CACNA2D3: variants seen among roughly 807,000 people sequenced by gnomAD.
The protein encoded by CACNA2D3 is calcium voltage-gated channel auxiliary subunit alpha2delta 3, also known as voltage-dependent calcium channel subunit alpha-2/delta-3.
CACNA2D3 carries 60 observed loss-of-function variants against 160.6 expected under a neutral mutation model. The ratio of observed to expected loss-of-function variants is 0.37; its 90% CI spans 0.30 to 0.46. The LOEUF is 0.46. Among genes scored for constraint, CACNA2D3 ranks in the 20% least tolerant of loss-of-function variants. The pLI is 1.00. For synonymous variants in CACNA2D3, 558 were observed against 492.9 expected, an observed-to-expected ratio of 1.13 and a Z score of -1.75; for missense variants, 1,205 against 1,365.0, an observed-to-expected ratio of 0.88 and a Z score of 1.85.
At chr3:54,513,972 C>T (rs553304608) in intron 5 of CACNA2D3, among the ~76,000 whole-genome samples, 4 of 152,234 alleles carry the variant, frequency 2.6e-5, no homozygotes, top group South Asian at 2.1e-4. Flanking sequence ...CGCACCCAGC[C>T]GTCATGCCTG....
At chr3:54,871,512 T>A in intron 17 of CACNA2D3, 27 bp from the exon 18 acceptor site, 1 of 1,580,542 alleles carries the variant, frequency 6.3e-7, no homozygotes, top group Non-Finnish European at 8.7e-7. Context: ...TTTGTTTTTC[T>A]TTTCTTTTTC....
chr3:54,148,077 G>A (rs1013952632), intron 2 of CACNA2D3, among the ~76,000 whole-genome samples: 13 of 152,252 alleles, frequency 8.5e-5, no homozygotes, highest in African/African-American at 2.9e-4. Context: ...GATTACAGGC[G>A]TGAGCCACTG....
chr3:54,462,642 A>G (rs761082063), intron 4 of CACNA2D3, among the ~76,000 whole-genome samples: 9 of 151,954 alleles, frequency 5.9e-5, no homozygotes, highest in Non-Finnish European at 1.0e-4. Flanking sequence ...ATCTTCCTCC[A>G]TCCTTTTATT....
At chr3:54,645,637 C>G (rs1016004008) in intron 11 of CACNA2D3, among the ~76,000 whole-genome samples, 1 of 152,186 alleles carries the variant, frequency 6.6e-6, no homozygotes, top group African/African-American at 2.4e-5. Context: ...CAGGTACTTG[C>G]TGTTCCCCAG....
intron 11 of CACNA2D3, among the ~76,000 whole-genome samples, chr3:54,738,293 A>T (rs978311109): frequency 3.3e-5 from 5 of 152,202 alleles, no homozygotes; most frequent in African/African-American, 1.2e-4. Context: ...TACTAGTGAC[A>T]TGTCCTCAAA....
intron 14 of CACNA2D3, among the ~76,000 whole-genome samples, chr3:54,825,632 T>G (rs1169739319): frequency 6.6e-6 from 1 of 152,160 alleles, no homozygotes; most frequent in African/African-American, 2.4e-5. Context: ...AAAGAACAAG[T>G]TAAAGGACAA....
At chr3:54,679,639 C>T (rs997312595) in intron 11 of CACNA2D3, among the ~76,000 whole-genome samples, 1 of 152,210 alleles carries the variant, frequency 6.6e-6, no homozygotes, top group African/African-American at 2.4e-5. Context: ...TCAGAAGTGC[C>T]TTTGTCTCTG....
intron 2 of CACNA2D3, among the ~76,000 whole-genome samples, chr3:54,317,294 A>C (rs562721524): frequency 6.6e-6 from 1 of 152,204 alleles, no homozygotes; most frequent in East Asian, 1.9e-4. Flanking sequence ...AATCCAGTCA[A>C]CCTCCCAAGG....
chr3:54,218,560 C>A (rs924040034), intron 2 of CACNA2D3, among the ~76,000 whole-genome samples: 1 of 152,152 alleles, frequency 6.6e-6, no homozygotes, highest in South Asian at 2.1e-4. Context: ...AGCATATTAA[C>A]CCCCCAACAC....
At chr3:54,678,720 C>CAAAAAAAA (rs71096434) in intron 11 of CACNA2D3, among the ~76,000 whole-genome samples, 5,976 of 45,928 alleles carry the variant, frequency 0.13, 1,768 homozygotes, top group Non-Finnish European at 0.17. Flanking sequence ...GACTCGGTCT[C>CAAAAAAAA]AAAAAAAAAA....
chr3:54,905,376 A>G (rs1559624166), intron 27 of CACNA2D3, among the ~76,000 whole-genome samples: 1 of 152,144 alleles, frequency 6.6e-6, no homozygotes. Flanking sequence ...AGTATTTACT[A>G]TGGGCCCTTC....
chr3:55,019,110 T>TCTTTCTTTCTTTC (rs368979475), intron 35 of CACNA2D3, among the ~76,000 whole-genome samples: 2 of 151,532 alleles, frequency 1.3e-5, no homozygotes, highest in Admixed American at 6.6e-5. Context: ...TTTCTTTCTT[T>TCTTTCTTTCTTTC]TTTTAATAAG....
intron 27 of CACNA2D3, among the ~76,000 whole-genome samples, chr3:54,942,779 C>G (rs1378813053): frequency 6.6e-6 from 1 of 152,144 alleles, no homozygotes; most frequent in East Asian, 1.9e-4. Flanking sequence ...AATCCCAGAG[C>G]TTTGGGAGGC....
At chr3:54,631,180 G>A (rs1699229453) in intron 10 of CACNA2D3, among the ~76,000 whole-genome samples, 1 of 145,426 alleles carries the variant, frequency 6.9e-6, no homozygotes, top group South Asian at 2.2e-4. Context: ...CTTCAGCCTG[G>A]GTGACAGAGC....
Position 54,828,009 on chromosome 3 carries a change from A to G in CACNA2D3, c.1399-9150A>G, listed in dbSNP as rs571572023. Among the ~76,000 whole-genome samples the G allele has an allele frequency of 3.9e-5, 6 of 152,276 alleles. No homozygotes were observed. The South Asian group carries it at 1.2e-3, about 32-fold the overall frequency. Reference sequence around the variant, plus strand: ...CAGTTTGCACAAATTTTGGTCCTAGATGGTATCTTTGGTTGTAGAATAAAG... The same window carrying G: ...CAGTTTGCACAAATTTTGGTCCTAGGTGGTATCTTTGGTTGTAGAATAAAG... On this transcript the variant is annotated intron_variant, in intron 14 of 37. Coordinates refer to ENST00000474759, the MANE Select transcript of CACNA2D3 (RefSeq NM_018398.3).
intron 2 of CACNA2D3, among the ~76,000 whole-genome samples, chr3:54,227,113 T>TA (rs1168532799): frequency 6.6e-6 from 1 of 152,230 alleles, no homozygotes; most frequent in East Asian, 1.9e-4. Flanking sequence ...AACATGTTGA[T>TA]ACGTAAAATC....
At chr3:55,067,931 T>C (rs1461787141) in intron 35 of CACNA2D3, among the ~76,000 whole-genome samples, 9 of 152,244 alleles carry the variant, frequency 5.9e-5, no homozygotes, top group Non-Finnish European at 1.0e-4. Context: ...AGCATATGGC[T>C]AGAAGCAAGG....
In CACNA2D3 at chr3:54,846,410, T is replaced by C. The variant is rs368852689; in HGVS notation, c.1569T>C (p.Tyr523=). The part of the protein sequence containing the change: ...IPKYKLGIHG[Y]AFAITNNGYI... ...TCTTACAGTTAGGGATTCACGGTTA[T>C]GCCTTTGCAATCACAAATAATGGAT... Residue 523 remains tyrosine, a synonymous_variant, in exon 17 of 38, where the codon TAT becomes TAC. Coordinates refer to ENST00000474759, the MANE Select transcript of CACNA2D3 (RefSeq NM_018398.3). The C allele has an allele frequency of 1.1e-4, 181 of 1,606,642 alleles. No individual in the cohort carries two copies. The highest frequency in any genetic ancestry group is 1.4e-4 in the Non-Finnish European group (164 of 1,176,106).
intron 35 of CACNA2D3, among the ~76,000 whole-genome samples, chr3:55,055,562 T>A (rs1483761977): frequency 1.3e-5 from 2 of 152,068 alleles, no homozygotes; most frequent in Non-Finnish European, 2.9e-5. Flanking sequence ...AATTTTGGAA[T>A]TTTTTTTCTA....
Sources: gnomAD v4.1 joint callset for allele counts (sites outside exome capture counted in the v4.1 genomes callset) on GRCh38, gnomAD v4.1.1 for gene constraint, MANE v1.5 for transcripts, NCBI Gene and HGNC (gene_info 2026-07-23, HGNC 2026-07-21) for gene names.